KMT5C: variants seen among roughly 807,000 people sequenced by gnomAD.
The protein encoded by KMT5C is histone-lysine N-methyltransferase KMT5C.
Under a neutral mutation model 38.2 loss-of-function variants are expected in KMT5C, and 16 were observed. The ratio of observed to expected loss-of-function variants is 0.42; its 90% CI spans 0.28 to 0.64. The LOEUF (loss-of-function observed/expected upper bound fraction) is 0.64, where lower values mean the gene tolerates loss of function less well. Ranked by LOEUF, KMT5C falls within the 30% of genes least tolerant of loss-of-function variation. The pLI, the probability that KMT5C is intolerant of heterozygous loss-of-function variation, is 0.23. For missense variants in KMT5C, 598 were observed against 665.1 expected, an observed-to-expected ratio of 0.90 and a Z score of 1.11; for synonymous variants, 291 against 279.0, an observed-to-expected ratio of 1.04 and a Z score of -0.43.
In KMT5C at chr19:55,346,972, G is replaced by A. The variant is rs1335242673; in HGVS notation, c.912G>A (p.Leu304=). 1.9e-6 allele frequency: 2 copies of A among 1,045,076 alleles called. No individual in the cohort carries two copies. The highest frequency in any genetic ancestry group is 1.6e-5 in the African/African-American group (1 of 64,066). The allele number at this position is 1,045,076 out of a possible 1,614,324, so 64.7% of individuals were successfully genotyped here. A position where few individuals can be genotyped will look rare whatever the true frequency, so the allele number is the denominator to read the frequency against. Residue 304 remains leucine, a synonymous_variant, in exon 9 of 9, where the codon CTG becomes CTA. Transcript: ENST00000255613. The part of the protein sequence containing the change: ...RDPFCAACQP[L]RLPACSARPD... ...CCTTCACAGCCGCCTGCCAGCCCCT[G>A]CGCCTGCCAGCCTGCAGCGCCCGCC...
At position 55,347,170 on chromosome 19, in the gene KMT5C, A is replaced by G. The variant is rs1490028964; in HGVS notation, c.1110A>G (p.Gly370=). 1 of 1,536,540 alleles carries G rather than the reference A, an allele frequency of 6.5e-7. No homozygotes were observed. The highest frequency in any genetic ancestry group is 8.7e-7 in the Non-Finnish European group (1 of 1,146,844). The change falls in exon 9 of 9, where the codon GGA becomes GGG. Residue 370 remains glycine (G), a synonymous_variant. Coordinates refer to ENST00000255613, the MANE Select transcript of KMT5C (RefSeq NM_032701.4). The surrounding 1 kb of genome is among the most constrained non-coding windows in gnomAD (Gnocchi z 4.6). ...GTGGCCCCCACTGCCGCCTGCGAGG[A>G]GAGGCCCTGGTGGCCCTGGGCCAGC... ...GGCGPHCRLR[G]EALVALGQPP...
intron 6 of KMT5C, chr19:55,345,025 G>A (rs1417648979): frequency 2.2e-6 from 1 of 456,414 alleles, no homozygotes. Flanking sequence ...CGTGGCCCTG[G>A]TCTGACACCA....
At chr19:55,340,071 C>T (rs1391917753) in intron 1 of KMT5C, 114 bp downstream of exon 1, 1 of 151,952 alleles carries the variant, frequency 6.6e-6, no homozygotes, top group African/African-American at 2.4e-5. Flanking sequence ...CCCGGCCCCT[C>T]CTCGTGTCCA....
At chr19:55,346,917 C>T in intron 8 of KMT5C, 39 bp from the exon 9 acceptor site, 1 of 817,840 alleles carries the variant, frequency 1.2e-6, no homozygotes, top group Non-Finnish European at 2.1e-6. Context: ...CTTCACCTCT[C>T]CTTTGTTCCT....
In KMT5C at chr19:55,343,647, C is replaced by T. The variant is rs565335235; in HGVS notation, c.387-33C>T. ...TGAACACCTGCAGGAGGCCAGGCAT[C>T]GCCCACAGCCCTGCCCCCTGGCCTC... On this transcript the variant is annotated intron_variant, in intron 4 of 8. Transcript: ENST00000255613. The surrounding 1 kb of genome is among the most constrained non-coding windows in gnomAD (Gnocchi z 5.5). 229 of 1,547,064 alleles carry T rather than the reference C, an allele frequency of 1.5e-4. 2 individuals are homozygous for T. In the South Asian group the frequency reaches 2.0e-3, roughly 14 times the overall value.
In KMT5C at chr19:55,342,288, G is replaced by A. The variant is rs1569019466; in HGVS notation, c.184G>A (p.Glu62Lys). ...LETFLRQRDL[E>K]AAYRALTLGG... ...AACTTTCCTGAGGCAGCGGGACCTGGAGGCTGCGTACCGGGCCCTGACGCT... is the reference window on the plus strand; with the variant it reads ...AACTTTCCTGAGGCAGCGGGACCTGAAGGCTGCGTACCGGGCCCTGACGCT... Residue 62 changes from glutamate (E) to lysine (K), a missense_variant, in exon 3 of 9, where the codon GAG (glutamate) becomes AAG (lysine). This residue lies in a region of KMT5C where 167 missense variants were observed against 187.8 expected (regional missense o/e 0.89). Transcript: ENST00000255613. The A allele has an allele frequency of 6.2e-7, 1 of 1,602,540 alleles. No individual in the cohort carries two copies. Among genetic ancestry groups the A allele is most frequent in the Non-Finnish European group, 8.5e-7 (1 of 1,175,826 alleles).
At position 55,347,010 on chromosome 19, in the gene KMT5C, C is replaced by T. The variant is rs1173737167; in HGVS notation, c.950C>T (p.Pro317Leu). 6 of 1,372,070 alleles carry T rather than the reference C, an allele frequency of 4.4e-6. No homozygotes were observed. Among genetic ancestry groups the T allele is most frequent in the Non-Finnish European group, 6.2e-6 (6 of 975,008 alleles). 85.0% of individuals were successfully genotyped at this position (1,372,070 alleles called of 1,614,324 possible). The change falls in exon 9 of 9, where the codon CCC (proline) becomes CTC (leucine). Residue 317 changes from proline (P) to leucine (L), a missense_variant. Physicochemically the swap from Pro to Leu is moderately conservative, Grantham distance 98. This residue lies in a region of KMT5C where 326 missense variants were observed against 298.1 expected (regional missense o/e 1.09). Coordinates refer to ENST00000255613, the MANE Select transcript of KMT5C (RefSeq NM_032701.4). This position sits in a 1 kb window ranked among gnomAD's most constrained non-coding sequence, Gnocchi z 4.6. ...TGCAGCGCCCGCCCAGACACCTCAC[C>T]CCTCTGGCTCCAGTGGCTGCCTCAG... ...PACSARPDTSPLWLQWLPQPQ... is the reference protein window; with the variant it reads ...PACSARPDTSLLWLQWLPQPQ...
chr19:55,346,901 C>T (rs1474669408), intron 8 of KMT5C, 55 bp from the exon 9 acceptor site: 5 of 786,428 alleles, frequency 6.4e-6, no homozygotes, highest in Non-Finnish European at 1.1e-5. Context: ...GCCCAGCTTG[C>T]ACTGACTTCA....
chr19:55,342,492 T>G, intron 3 of KMT5C, 112 bp downstream of exon 3: 1 of 850,860 alleles, frequency 1.2e-6, no homozygotes. Context: ...TGGGGCCCCC[T>G]GACTTCCTAG....
chr19:55,342,687 G>C (rs1004195466), intron 3 of KMT5C, 55 bp from the exon 4 acceptor site: 1 of 1,008,328 alleles, frequency 9.9e-7, no homozygotes, highest in African/African-American at 1.6e-5. Context: ...CCTGGAGAGA[G>C]AGGGCCAAAG....
At chr19:55,344,656 AG>A (rs1217431052) in intron 6 of KMT5C, 1 of 514,402 alleles carries the variant, frequency 1.9e-6, no homozygotes, top group Non-Finnish European at 4.0e-6. Flanking sequence ...GGAACAACGC[AG>A]GCAGCTGTGG....
chr19:55,344,036 A>C (rs2089589882), intron 6 of KMT5C, 39 bp downstream of exon 6: 1 of 1,602,144 alleles, frequency 6.2e-7, no homozygotes, highest in Non-Finnish European at 8.5e-7. Flanking sequence ...GCACGCAGGA[A>C]GAAAGGGTGC....
In KMT5C at chr19:55,342,280, G is replaced by A. The variant is rs761424383; in HGVS notation, c.176G>A (p.Arg59Gln). 24 of 1,605,296 alleles carry A rather than the reference G, an allele frequency of 1.5e-5. No homozygotes were observed. The highest frequency in any genetic ancestry group is 2.0e-5 in the Non-Finnish European group (24 of 1,177,042). The stretch of plus-strand genomic sequence containing the variant: ...GCGCTGGAAACTTTCCTGAGGCAGC[G>A]GGACCTGGAGGCTGCGTACCGGGCC... ...RSALETFLRQ[R>Q]DLEAAYRALT... Residue 59 changes from arginine (R) to glutamine (Q), a missense_variant, in exon 3 of 9, where the codon CGG becomes CAG. Arg to Gln is a conservative substitution (Grantham distance 43, BLOSUM62 1). Around this residue, in one of 3 missense-constraint regions of KMT5C, gnomAD observed 167 missense variants for 187.8 expected, o/e 0.89. Transcript: ENST00000255613.
rs746216002 is a variant in KMT5C at position 55,342,257 on chromosome 19, G to A, written c.153G>A (p.Ala51=). The A allele has an allele frequency of 1.5e-5, 24 of 1,609,006 alleles. No individual in the cohort carries two copies. Among genetic ancestry groups the A allele is most frequent in the East Asian group, 2.2e-5 (1 of 44,680 alleles). The change falls in exon 3 of 9, where the codon GCG becomes GCA. Residue 51 remains alanine, a synonymous_variant. Coordinates refer to ENST00000255613, the MANE Select transcript of KMT5C (RefSeq NM_032701.4). ...GGCGACAGCAGCACCTGCGCTCAGC[G>A]CTGGAAACTTTCCTGAGGCAGCGGG... is the stretch of plus-strand genomic sequence containing the variant. ...PLRRQQHLRS[A]LETFLRQRDL...
chr19:55,346,410 C>T (rs2089617573), intron 7 of KMT5C, 61 bp downstream of exon 7: 3 of 1,611,274 alleles, frequency 1.9e-6, no homozygotes, highest in Non-Finnish European at 1.7e-6. Flanking sequence ...CCCAGAAACG[C>T]ACCCTCGGGA....
chr19:55,346,535 A>T lies in KMT5C; in HGVS notation c.743A>T (p.Glu248Val), dbSNP rs1320169376. ...GGAGCTTTCCGAACCAGGCCTAGGG[A>T]GCCCGCGTTGCCACCACGGCCCCTG... ...GEGAFRTRPREPALPPRPLDK... is the reference protein window; with the variant it reads ...GEGAFRTRPRVPALPPRPLDK... The change falls in exon 8 of 9, where the codon GAG becomes GTG. Residue 248 changes from glutamate (E) to valine (V), a missense_variant. This residue lies in a region of KMT5C where 105 missense variants were observed against 179.2 expected (regional missense o/e 0.59). Transcript: ENST00000255613. 6.3e-7 allele frequency: 1 copy of T among 1,597,250 alleles called. No individual in the cohort carries two copies. Among genetic ancestry groups the T allele is most frequent in the Non-Finnish European group, 8.5e-7 (1 of 1,172,548 alleles).
chr19:55,345,945 C>T, intron 6 of KMT5C: 1 of 520,798 alleles, frequency 1.9e-6, no homozygotes, highest in Non-Finnish European at 3.5e-6. Flanking sequence ...GTCACCACTG[C>T]TGGCACTGCA....
At chr19:55,340,542 C>A (rs2089545311) in intron 1 of KMT5C, among the ~76,000 whole-genome samples, 1 of 151,938 alleles carries the variant, frequency 6.6e-6, no homozygotes, top group African/African-American at 2.4e-5. Flanking sequence ...TCACCGCCTA[C>A]CCAGGCGCCT....
rs773292146 is a variant in KMT5C, at chr19:55,343,717, A to G, written c.424A>G (p.Ile142Val). The change falls in exon 5 of 9, where the codon ATT (isoleucine) becomes GTT (valine). Residue 142 changes from isoleucine to valine, a missense_variant. Coordinates refer to ENST00000255613, the MANE Select transcript of KMT5C (RefSeq NM_032701.4). This position sits in a 1 kb window ranked among gnomAD's most constrained non-coding sequence, Gnocchi z 5.5. The stretch of plus-strand genomic sequence containing the variant: ...GAAGCTGGAGCTGCTGGTGGGCTGC[A>G]TTGCAGAGCTGCGGGAGGCAGATGA... ...NEKLELLVGC[I>V]AELREADEGL... 1.3e-6 allele frequency: 2 copies of G among 1,570,736 alleles called. No individual in the cohort carries two copies. Among genetic ancestry groups the G allele is most frequent in the South Asian group, 1.2e-5 (1 of 86,712 alleles).
Sources: gnomAD v4.1 joint callset for allele counts (sites outside exome capture counted in the v4.1 genomes callset) on GRCh38, gnomAD v4.1.1 for gene constraint, gnomAD v4.1.1 regional missense constraint, Gnocchi (gnomAD v3.1) non-coding constraint, MANE v1.5 for transcripts, NCBI Gene and HGNC (gene_info 2026-07-23, HGNC 2026-07-21) for gene names.